ANXA2: variants seen among roughly 807,000 people sequenced by gnomAD.
ANXA2 encodes annexin A2.
In ANXA2, 28 loss-of-function variants were observed where a neutral mutation model predicts 47.3. That is an observed-to-expected ratio of 0.59 (90% CI 0.44 to 0.81). ANXA2 has a LOEUF of 0.81. Ranked by LOEUF, ANXA2 falls within the 40% of genes least tolerant of loss-of-function variation. ANXA2 has a pLI of 0.00. For synonymous variants in ANXA2, 172 were observed against 155.5 expected, an observed-to-expected ratio of 1.11 and a Z score of -0.79; for missense variants, 384 against 414.3, an observed-to-expected ratio of 0.93 and a Z score of 0.64.
intron 3 of ANXA2, among the ~76,000 whole-genome samples, chr15:60,372,374 G>T (rs75253260): frequency 0.081 from 12,307 of 152,168 alleles, 724 homozygotes; most frequent in East Asian, 0.21. Flanking sequence ...TTCAAACCGG[G>T]ACTAAAGACC....
intron 12 of ANXA2, 105 bp from the exon 13 acceptor site, chr15:60,347,794 A>T: frequency 9.8e-7 from 1 of 1,022,566 alleles, no homozygotes; most frequent in Non-Finnish European, 1.5e-6. Flanking sequence ...CTCCCATGAC[A>T]AAGAGAAGAC....
At chr15:60,366,102 C>T (rs1287095757) in intron 3 of ANXA2, among the ~76,000 whole-genome samples, 3 of 127,046 alleles carry the variant, frequency 2.4e-5, no homozygotes, top group African/African-American at 9.4e-5. Flanking sequence ...CCGCCAGCCT[C>T]GGCCTCCCGA....
intron 1 of ANXA2, chr15:60,396,477 T>C (rs545454708): frequency 1.3e-5 from 2 of 152,160 alleles, no homozygotes; most frequent in Admixed American, 6.5e-5. Context: ...GGCAAAGACA[T>C]AATTTTCCAA....
chr15:60,364,207 T>A (rs1466517004), intron 4 of ANXA2, among the ~76,000 whole-genome samples: 9 of 152,244 alleles, frequency 5.9e-5, no homozygotes, highest in Non-Finnish European at 1.2e-4. Flanking sequence ...ACACTCCTTA[T>A]GAGAACCTAA....
At chr15:60,395,116 T>A (rs1041728853) in intron 1 of ANXA2, among the ~76,000 whole-genome samples, 4 of 152,248 alleles carry the variant, frequency 2.6e-5, no homozygotes, top group Non-Finnish European at 5.9e-5. Flanking sequence ...TTTAGGTCTG[T>A]GGAACAGCTG....
chr15:60,366,516 G>C (rs1429150077), intron 3 of ANXA2, among the ~76,000 whole-genome samples: 1 of 151,546 alleles, frequency 6.6e-6, no homozygotes, highest in Non-Finnish European at 1.5e-5. Context: ...TGGGAGATGA[G>C]GAGCGTCTCT....
chr15:60,357,054 AGG>A, intron 6 of ANXA2, 90 bp downstream of exon 6: 1 of 1,136,088 alleles, frequency 8.8e-7, no homozygotes, highest in South Asian at 1.3e-5. Context: ...TCACTAATGC[AGG>A]CATCTTAGCC....
Position 60,351,174 on chromosome 15 carries a change from C to T in ANXA2, c.837+19G>A, listed in dbSNP as rs748536773. The T allele has an allele frequency of 6.2e-7, 1 of 1,613,770 alleles. No homozygotes were observed. Among genetic ancestry groups the T allele is most frequent in the East Asian group, 2.2e-5 (1 of 44,878 alleles). ...AAGCTGAGTGTGGAAACACAGCTCT[C>T]TCAGCCAGCTGCCCTTACCTTCATG... On this transcript the variant is annotated intron_variant, in intron 11 of 12. Coordinates refer to ENST00000451270, the MANE Select transcript of ANXA2 (RefSeq NM_004039.3).
At chr15:60,376,204 A>C (rs542155422) in intron 3 of ANXA2, among the ~76,000 whole-genome samples, 75 of 151,932 alleles carry the variant, frequency 4.9e-4, no homozygotes, top group African/African-American at 1.7e-3. Flanking sequence ...ATGGAGAAAC[A>C]CCATCTCTAC....
rs143916973 is a variant in ANXA2, at chr15:60,375,794, T to C, written c.148+6548A>G. Among the ~76,000 whole-genome samples, 552 of 152,298 alleles carry C rather than the reference T, an allele frequency of 3.6e-3. 2 individuals are homozygous for C. The highest frequency in any genetic ancestry group is 4.6e-3 in the Non-Finnish European group (310 of 68,028). On this transcript the variant is annotated intron_variant, in intron 3 of 12. Transcript: ENST00000451270. ...TATTTTGATTTTAGCAGTATTGTGC[T>C]TCTCCCCCCTTCTCATAAGCACAAT...
chr15:60,391,766 T>C (rs934298932), intron 1 of ANXA2, among the ~76,000 whole-genome samples: 1 of 152,058 alleles, frequency 6.6e-6, no homozygotes, highest in Non-Finnish European at 1.5e-5. Context: ...AACTCATAAA[T>C]CCATTAAAAA....
rs771270327 is a variant in ANXA2, at chr15:60,347,696, T to C, written c.961-7A>G. ...AGTCGCCCTTAGTGTCTTGCTACAATGGCCCAGGAAAGAAAAGAAACGTGG... is the reference window on the plus strand; with the variant it reads ...AGTCGCCCTTAGTGTCTTGCTACAACGGCCCAGGAAAGAAAAGAAACGTGG... On this transcript the variant is annotated splice_region_variant and splice_polypyrimidine_tract_variant and intron_variant, in intron 12 of 12. Coordinates refer to ENST00000451270, the MANE Select transcript of ANXA2 (RefSeq NM_004039.3). The C allele has an allele frequency of 2.4e-5, 39 of 1,613,894 alleles. 1 individual carries two copies. In the East Asian group the frequency reaches 8.2e-4, roughly 34 times the overall value.
At chr15:60,380,622 T>C (rs1443012463) in intron 3 of ANXA2, among the ~76,000 whole-genome samples, 1 of 151,264 alleles carries the variant, frequency 6.6e-6, no homozygotes, top group Admixed American at 6.6e-5. Context: ...CTGACCAACA[T>C]GGAGAAACCC....
At chr15:60,356,248 C>A (rs1208663199) in intron 6 of ANXA2, among the ~76,000 whole-genome samples, 2 of 152,140 alleles carry the variant, frequency 1.3e-5, no homozygotes, top group Admixed American at 6.5e-5. Flanking sequence ...CTCAGGCTCA[C>A]CGTTGATTGG....
intron 1 of ANXA2, chr15:60,396,406 C>G (rs948365380): frequency 6.6e-6 from 1 of 151,838 alleles, no homozygotes; most frequent in Non-Finnish European, 1.5e-5. Context: ...TAATGCGTCA[C>G]GGAAGAGCCA....
At chr15:60,382,611 A>AT (rs2062878315) in intron 2 of ANXA2, 170 bp from the exon 3 acceptor site, 1 of 461,498 alleles carries the variant, frequency 2.2e-6, no homozygotes, top group Non-Finnish European at 3.9e-6. Flanking sequence ...AAGCAATTTC[A>AT]TTTTTTCTAA....
chr15:60,392,665 T>C (rs1261269274), intron 1 of ANXA2, among the ~76,000 whole-genome samples: 1 of 152,216 alleles, frequency 6.6e-6, no homozygotes, highest in Non-Finnish European at 1.5e-5. Flanking sequence ...AACAAAAACA[T>C]ACTGCAACAG....
At chr15:60,366,433 A>G (rs905096398) in intron 3 of ANXA2, among the ~76,000 whole-genome samples, 4 of 149,504 alleles carry the variant, frequency 2.7e-5, no homozygotes, top group African/African-American at 9.9e-5. Flanking sequence ...ATCGTCTGAG[A>G]TGTGGGGAGC....
At chr15:60,360,590 A>G (rs1566934768) in intron 5 of ANXA2, among the ~76,000 whole-genome samples, 2 of 152,072 alleles carry the variant, frequency 1.3e-5, no homozygotes, top group Non-Finnish European at 1.5e-5. Context: ...GCTTCACTTA[A>G]CAAAAGCTAT....
Sources: allele counts gnomAD v4.1 joint callset (sites outside exome capture counted in the v4.1 genomes callset), GRCh38; gene constraint gnomAD v4.1.1; transcripts MANE v1.5; gene names NCBI Gene and HGNC (gene_info 2026-07-23, HGNC 2026-07-21).